Variants in DAAM2 observed in about 807,000 individuals in gnomAD.
DAAM2 encodes the protein dishevelled associated activator of morphogenesis 2.
A neutral mutation model predicts 120.7 loss-of-function variants in DAAM2; 39 were observed. That is an observed-to-expected ratio of 0.32 (90% CI 0.25 to 0.42). The LOEUF (loss-of-function observed/expected upper bound fraction) is 0.42. Ranked by LOEUF, DAAM2 falls within the 10% of genes least tolerant of loss-of-function variation. DAAM2 has a pLI of 1.00. For missense variants in DAAM2, 1,283 were observed against 1,401.7 expected (o/e 0.92, Z 1.35); for synonymous variants, 488 against 524.9 (o/e 0.93, Z 0.96).
At chr6:39,822,514 G>A (rs1762524644) in intron 1 of DAAM2, 1 of 152,186 alleles carries the variant, frequency 6.6e-6, no homozygotes, top group South Asian at 2.1e-4. Context: ...TGAGATTAAA[G>A]CCATTTTTGA....
intron 2 of DAAM2, among the ~76,000 whole-genome samples, chr6:39,859,170 C>A (rs577204646): frequency 1.3e-5 from 2 of 152,046 alleles, no homozygotes; most frequent in East Asian, 1.9e-4. Flanking sequence ...TGAAGACTTG[C>A]GGGAGGAGGC....
chr6:39,839,970 T>G (rs1157240994), intron 1 of DAAM2, among the ~76,000 whole-genome samples: 1 of 152,206 alleles, frequency 6.6e-6, no homozygotes, highest in African/African-American at 2.4e-5. Context: ...CTCACACTCA[T>G]AATCCCAGCA....
At chr6:39,846,495 A>T (rs906987302) in intron 1 of DAAM2, among the ~76,000 whole-genome samples, 1 of 152,170 alleles carries the variant, frequency 6.6e-6, no homozygotes, top group South Asian at 2.1e-4. Context: ...TATGGCATCA[A>T]TAACCCTATG....
intron 1 of DAAM2, among the ~76,000 whole-genome samples, chr6:39,824,286 G>A (rs1244841715): frequency 6.6e-6 from 1 of 152,086 alleles, no homozygotes; most frequent in Non-Finnish European, 1.5e-5. Context: ...CATCCCCCTA[G>A]AGCCCGTGCC....
At chr6:39,840,594 C>CT (rs1183883141) in intron 1 of DAAM2, among the ~76,000 whole-genome samples, 1 of 151,966 alleles carries the variant, frequency 6.6e-6, no homozygotes, top group Non-Finnish European at 1.5e-5. Flanking sequence ...AAATATGGAG[C>CT]TGGAGATGAG....
intron 1 of DAAM2, among the ~76,000 whole-genome samples, chr6:39,829,936 T>C (rs1328353176): frequency 6.6e-6 from 1 of 152,148 alleles, no homozygotes; most frequent in East Asian, 1.9e-4. Flanking sequence ...GTACCACCCT[T>C]CTAGATTTCT....
At chr6:39,866,031 C>T (rs1764416368) in intron 5 of DAAM2, among the ~76,000 whole-genome samples, 1 of 152,214 alleles carries the variant, frequency 6.6e-6, no homozygotes, top group Non-Finnish European at 1.5e-5. Context: ...CACCCTTCAC[C>T]CTTCCCCTGG....
intron 3 of DAAM2, chr6:39,861,596 G>A (rs972490386): frequency 2.7e-5 from 5 of 183,388 alleles, no homozygotes; most frequent in East Asian, 1.2e-4. Flanking sequence ...CTTTCCCAGC[G>A]GCTGTGCATT....
intron 22 of DAAM2, 32 bp from the exon 23 acceptor site, chr6:39,900,045 A>C (rs764291883): frequency 6.3e-7 from 1 of 1,591,362 alleles, no homozygotes; most frequent in African/African-American, 1.3e-5. Flanking sequence ...TCTTGGCACC[A>C]GTCTAAGCAG....
chr6:39,820,884 A>G (rs915492483), intron 1 of DAAM2: 4 of 152,250 alleles, frequency 2.6e-5, no homozygotes, highest in Non-Finnish European at 5.9e-5. Context: ...TGCTGTGTAC[A>G]TAGCAAATAA....
chr6:39,828,559 C>G (rs9471176), intron 1 of DAAM2, among the ~76,000 whole-genome samples: 43,099 of 148,646 alleles, frequency 0.29, 6,881 homozygotes, highest in African/African-American at 0.4. Context: ...ATTCCCTCCA[C>G]CCCCCTCCGT....
At chr6:39,882,355 G>A (rs1484363681) in intron 14 of DAAM2, 1 of 152,100 alleles carries the variant, frequency 6.6e-6, no homozygotes, top group Admixed American at 6.5e-5. Flanking sequence ...GTGAGAGAGA[G>A]AGAAAGAGCC....
chr6:39,891,377 C>T lies in DAAM2; in HGVS notation c.2182C>T (p.Leu728Phe). The change falls in exon 18 of 25, where the codon CTC becomes TTC. Residue 728 changes from leucine (L) to phenylalanine (F), a missense_variant. Coordinates refer to ENST00000274867, the MANE Select transcript of DAAM2 (RefSeq NM_001201427.2). Reference sequence around the variant, plus strand: ...CATCCCAGAGAAGAGTGACATTGACCTCCTGGAGGAGCACAAGCATGAAAT... The same window carrying T: ...CATCCCAGAGAAGAGTGACATTGACTTCCTGGAGGAGCACAAGCATGAAAT... Reference protein sequence around the residue: ...KFIPEKSDIDLLEEHKHEIER... With the variant: ...KFIPEKSDIDFLEEHKHEIER... 5 of 1,611,250 alleles carry T rather than the reference C, an allele frequency of 3.1e-6. No individual in the cohort carries two copies. Among genetic ancestry groups the T allele is most frequent in the Non-Finnish European group, 3.4e-6 (4 of 1,178,708 alleles).
intron 1 of DAAM2, among the ~76,000 whole-genome samples, chr6:39,792,786 A>G (rs1405632497): frequency 6.6e-6 from 1 of 152,160 alleles, no homozygotes; most frequent in African/African-American, 2.4e-5. Flanking sequence ...CGGCTTTGAA[A>G]CCTGACCCCT....
intron 1 of DAAM2, among the ~76,000 whole-genome samples, chr6:39,801,505 G>A (rs1369009677): frequency 6.6e-6 from 1 of 152,184 alleles, no homozygotes; most frequent in Non-Finnish European, 1.5e-5. Flanking sequence ...CAGTATGAAG[G>A]GGGTGGTCCC....
chr6:39,814,597 G>T (rs746763009), intron 1 of DAAM2, among the ~76,000 whole-genome samples: 3 of 152,242 alleles, frequency 2.0e-5, no homozygotes, highest in East Asian at 1.9e-4. Context: ...ATTCAAACGC[G>T]TTCATCTTTC....
In DAAM2 at chr6:39,901,747, G is replaced by C; in HGVS notation, c.2983-66G>C. The C allele has an allele frequency of 1.4e-6, 2 of 1,395,564 alleles. No homozygotes were observed. Among genetic ancestry groups the C allele is most frequent in the Non-Finnish European group, 1.9e-6 (2 of 1,054,004 alleles). The allele number at this position is 1,395,564 out of a possible 1,614,324, so 86.4% of individuals were successfully genotyped here. A position where few individuals can be genotyped will look rare whatever the true frequency, so the allele number is the denominator to read the frequency against. ...ATGGCCTAGGAGTTAGCCCAGGGTT[G>C]GGGGGCTGCCCTGGCCTCAGCGCCT... On this transcript the variant is annotated intron_variant, in intron 24 of 24. Transcript: ENST00000274867. This position sits in a 1 kb window ranked among gnomAD's most constrained non-coding sequence, Gnocchi z 4.5.
At chr6:39,812,273 T>C (rs1252016171) in intron 1 of DAAM2, among the ~76,000 whole-genome samples, 1 of 152,204 alleles carries the variant, frequency 6.6e-6, no homozygotes, top group Non-Finnish European at 1.5e-5. Flanking sequence ...TATGGAGGGC[T>C]CACTAGGTGC....
chr6:39,856,561 G>A, intron 2 of DAAM2, 91 bp downstream of exon 2: 1 of 1,071,920 alleles, frequency 9.3e-7, no homozygotes, highest in Non-Finnish European at 1.2e-6. Context: ...CCTGTGCTGG[G>A]GTCTCCATCT....
Sources: gnomAD v4.1 joint callset for allele counts (sites outside exome capture counted in the v4.1 genomes callset) on GRCh38, gnomAD v4.1.1 for gene constraint, Gnocchi (gnomAD v3.1) non-coding constraint, MANE v1.5 for transcripts, NCBI Gene and HGNC (gene_info 2026-07-23, HGNC 2026-07-21) for gene names.